TBC1D9: variants seen among roughly 807,000 people sequenced by gnomAD.
The protein encoded by TBC1D9 is TBC1 domain family member 9, also known as TBC1 domain family member 9A.
A neutral mutation model predicts 132.0 loss-of-function variants in TBC1D9; 63 were observed. The ratio of observed to expected loss-of-function variants is 0.48; its 90% CI spans 0.39 to 0.59. TBC1D9 has a LOEUF of 0.59. Among genes scored for constraint, TBC1D9 ranks in the 20% least tolerant of loss-of-function variants. The probability of loss-of-function intolerance (pLI) is 0.00; values close to 1 mark genes in which losing one functional copy is unlikely to be tolerated. For missense variants in TBC1D9, 1,261 were observed against 1,592.7 expected (o/e 0.79, Z 3.54); for synonymous variants, 610 against 609.9 (o/e 1.00, Z 0.00).
At chr4:140,641,090 C>G in intron 13 of TBC1D9, among the ~76,000 whole-genome samples, 1 of 35,052 alleles carries the variant, frequency 2.9e-5, no homozygotes, top group Non-Finnish European at 4.9e-5. Context: ...TAATACTAAG[C>G]AAAAAAAAAA....
chr4:140,739,637 C>T (rs1020518948), intron 1 of TBC1D9, among the ~76,000 whole-genome samples: 5 of 152,140 alleles, frequency 3.3e-5, no homozygotes, highest in Non-Finnish European at 7.4e-5. Context: ...TATATATTGT[C>T]TATGCTAATT....
intron 1 of TBC1D9, among the ~76,000 whole-genome samples, chr4:140,711,274 G>A (rs551064817): frequency 4.6e-5 from 7 of 152,206 alleles, no homozygotes; most frequent in East Asian, 1.9e-4. Flanking sequence ...CTGTAGAGGC[G>A]GGTCTGAAAA....
intron 1 of TBC1D9, among the ~76,000 whole-genome samples, chr4:140,739,816 AAT>A (rs1560901373): frequency 6.6e-6 from 1 of 152,228 alleles, no homozygotes; most frequent in Non-Finnish European, 1.5e-5. Flanking sequence ...CAGCCTAGGC[AAT>A]AACAAGACCC....
intron 1 of TBC1D9, among the ~76,000 whole-genome samples, chr4:140,741,174 T>C (rs1293183186): frequency 2.0e-5 from 3 of 152,160 alleles, no homozygotes; most frequent in Non-Finnish European, 2.9e-5. Context: ...ACAGATTCTT[T>C]GTAGGAAGAA....
rs554305490 is a variant in TBC1D9, at chr4:140,686,025, G to A, written c.360+319C>T. Reference sequence around the variant, plus strand: ...CATAGAAATAATAAATACTCCATATGATGACTACCCCACATACCTTGACTT... The same window carrying A: ...CATAGAAATAATAAATACTCCATATAATGACTACCCCACATACCTTGACTT... On this transcript the variant is annotated intron_variant, in intron 3 of 20. Coordinates refer to ENST00000442267, the MANE Select transcript of TBC1D9 (RefSeq NM_015130.3). 1.8e-4 allele frequency among the ~76,000 whole-genome samples: 27 copies of A among 152,238 alleles called. No individual in the cohort carries two copies. In the South Asian group the frequency reaches 5.6e-3, roughly 32 times the overall value.
chr4:140,665,642 A>C (rs997565922), intron 9 of TBC1D9, among the ~76,000 whole-genome samples: 13 of 152,330 alleles, frequency 8.5e-5, no homozygotes, highest in Non-Finnish European at 1.8e-4. Flanking sequence ...CTGTATTTAA[A>C]AAAATTTTAA....
chr4:140,686,539 A>C (rs770052634), intron 2 of TBC1D9, 77 bp from the exon 3 acceptor site: 139 of 932,060 alleles, frequency 1.5e-4, no homozygotes, highest in Middle Eastern at 4.3e-4. Context: ...CTTTTTCATT[A>C]TAGTCTATAC....
intron 1 of TBC1D9, among the ~76,000 whole-genome samples, chr4:140,754,614 C>CAAAAAAAAAA (rs34471976): frequency 3.4e-4 from 8 of 23,256 alleles, no homozygotes; most frequent in Non-Finnish European, 5.0e-4. Flanking sequence ...GACTCTGTCT[C>CAAAAAAAAAA]AAAAAAAAAA....
At chr4:140,665,278 G>A (rs1012519469) in intron 9 of TBC1D9, among the ~76,000 whole-genome samples, 4 of 151,916 alleles carry the variant, frequency 2.6e-5, no homozygotes, top group East Asian at 1.9e-4. Flanking sequence ...TTTGTGCTTC[G>A]AAGGATACCA....
intron 1 of TBC1D9, among the ~76,000 whole-genome samples, chr4:140,725,912 C>T (rs1738495206): frequency 6.6e-6 from 1 of 152,072 alleles, no homozygotes; most frequent in African/African-American, 2.4e-5. Flanking sequence ...GAGAAATTTT[C>T]CACTGTATGC....
chr4:140,700,431 C>T (rs1283364512), intron 2 of TBC1D9, among the ~76,000 whole-genome samples: 1 of 149,714 alleles, frequency 6.7e-6, no homozygotes, highest in African/African-American at 2.5e-5. Context: ...GCCTGGGCAA[C>T]AGAGCAAGAC....
chr4:140,628,897 C>G (rs1736751429), intron 16 of TBC1D9, among the ~76,000 whole-genome samples: 1 of 152,118 alleles, frequency 6.6e-6, no homozygotes, highest in Non-Finnish European at 1.5e-5. Flanking sequence ...TTATCTGAAC[C>G]TATTGGTCAT....
chr4:140,642,640 C>T (rs529523841), intron 13 of TBC1D9: 215 of 735,034 alleles, frequency 2.9e-4, no homozygotes, highest in Non-Finnish European at 4.7e-4. Flanking sequence ...TAGACGAAGC[C>T]TCGTGTTCAT....
chr4:140,643,668 A>G, intron 13 of TBC1D9: 4 of 1,137,770 alleles, frequency 3.5e-6, no homozygotes, highest in Non-Finnish European at 4.9e-6. Flanking sequence ...GGCCTCCACT[A>G]GCGTCTCGGG....
At chr4:140,668,407 A>C (rs1737481019) in intron 9 of TBC1D9, among the ~76,000 whole-genome samples, 1 of 151,998 alleles carries the variant, frequency 6.6e-6, no homozygotes. Context: ...TCCAGTGCAG[A>C]CTCTGGCCTC....
At chr4:140,718,308 T>G (rs922854094) in intron 1 of TBC1D9, among the ~76,000 whole-genome samples, 1 of 152,120 alleles carries the variant, frequency 6.6e-6, no homozygotes, top group African/African-American at 2.4e-5. Flanking sequence ...ACAGGACATT[T>G]GCCTGATCTT....
At chr4:140,709,194 T>TA (rs1283109336) in intron 1 of TBC1D9, among the ~76,000 whole-genome samples, 1 of 149,182 alleles carries the variant, frequency 6.7e-6, no homozygotes, top group East Asian at 2.0e-4. Context: ...ATGACACCGT[T>TA]ACCTGTGGGG....
At chr4:140,755,058 TCTA>T (rs1003572501) in intron 1 of TBC1D9, among the ~76,000 whole-genome samples, 6 of 152,210 alleles carry the variant, frequency 3.9e-5, no homozygotes, top group East Asian at 1.9e-4. Context: ...TAGTGAAACC[TCTA>T]CTATTTCTTC....
chr4:140,735,000 G>A (rs1442892063), intron 1 of TBC1D9, among the ~76,000 whole-genome samples: 2 of 152,072 alleles, frequency 1.3e-5, no homozygotes, highest in Non-Finnish European at 2.9e-5. Flanking sequence ...TTCCAGAAAG[G>A]CCTTTAAGAC....
Sources: gnomAD v4.1 joint callset for allele counts (sites outside exome capture counted in the v4.1 genomes callset) on GRCh38, gnomAD v4.1.1 for gene constraint, MANE v1.5 for transcripts, NCBI Gene and HGNC (gene_info 2026-07-23, HGNC 2026-07-21) for gene names.